The following AKR1E2 variants were observed in gnomAD, a reference collection of about 807,000 sequenced individuals.
AKR1E2 encodes 1,5-anhydro-D-fructose reductase.
A neutral mutation model predicts 41.9 loss-of-function variants in AKR1E2; 43 were observed. That is an observed-to-expected ratio of 1.03 (90% confidence interval 0.80 to 1.32). The LOEUF is 1.32. Among genes scored for constraint, AKR1E2 ranks in the 40% most tolerant of loss-of-function variants. AKR1E2 has a pLI of 0.00. For missense variants in AKR1E2, 423 were observed against 396.5 expected, an observed-to-expected ratio of 1.07 and a Z score of -0.57; for synonymous variants, 121 against 138.9, an observed-to-expected ratio of 0.87 and a Z score of 0.91.
chr10:4,837,632 G>C (rs148791455), intron 5 of AKR1E2, 51 bp downstream of exon 5: 59 of 1,587,436 alleles, frequency 3.7e-5, no homozygotes, highest in Admixed American at 5.0e-5. Context: ...TGGTCCCCCA[G>C]CTGCCACCTC....
chr10:4,833,921 G>T (rs1049284829), intron 3 of AKR1E2, among the ~76,000 whole-genome samples: 2 of 152,208 alleles, frequency 1.3e-5, no homozygotes, highest in Admixed American at 1.3e-4. Context: ...AGTGGGTTGT[G>T]CTGGTAGTTG....
chr10:4,861,073 A>G, the AKR1E2 span, among the ~76,000 whole-genome samples: 1 of 152,230 alleles, frequency 6.6e-6, no homozygotes. Flanking sequence ...ATTGTAATCA[A>G]TCAGGCTCAA....
intron 1 of AKR1E2, among the ~76,000 whole-genome samples, chr10:4,828,335 T>C (rs2059417580): frequency 2.0e-5 from 3 of 152,216 alleles, no homozygotes; most frequent in Admixed American, 2.0e-4. Context: ...AGCGGTGAGA[T>C]GTCTGGAGAC....
chr10:4,839,319 A>C (rs1427450408), intron 5 of AKR1E2, among the ~76,000 whole-genome samples: 1 of 152,322 alleles, frequency 6.6e-6, no homozygotes, highest in Non-Finnish European at 1.5e-5. Flanking sequence ...CTCTATCTTC[A>C]TGAGGCTTAG....
At chr10:4,848,418 T>C (rs1444103855), downstream of AKR1E2, among the ~76,000 whole-genome samples, 2 of 152,230 alleles carry the variant, frequency 1.3e-5, no homozygotes, top group African/African-American at 4.8e-5. Context: ...GGACTTCCTG[T>C]GGTCCAGACG....
At chr10:4,856,631 G>A in the AKR1E2 span, among the ~76,000 whole-genome samples, 2 of 152,174 alleles carry the variant, frequency 1.3e-5, no homozygotes, top group Non-Finnish European at 2.9e-5. Context: ...TCTTTCAGGT[G>A]TGTTTGTATA....
the AKR1E2 span, among the ~76,000 whole-genome samples, chr10:4,869,173 C>A: frequency 2.0e-5 from 3 of 152,058 alleles, no homozygotes; most frequent in African/African-American, 7.2e-5. Flanking sequence ...ATGGAGACTT[C>A]TATTTGGGAG....
chr10:4,841,808 AC>A lies in AKR1E2; in HGVS notation c.707del (p.Pro236LeufsTer2), dbSNP rs779347275. 1.9e-6 allele frequency: 3 copies of A among 1,612,896 alleles called. No homozygotes were observed. The South Asian group carries it at 3.3e-5, about 18-fold the overall frequency. The part of the protein sequence containing the change: ...GSCEGVDLID[N>X]PVIKRIAKEH... ...AGTGAGGGGGTTGACCTGATAGACAACCCTGTGATCAAGAGGATTGCAAAGG... is the reference window on the plus strand; with the variant it reads ...AGTGAGGGGGTTGACCTGATAGACAACCTGTGATCAAGAGGATTGCAAAGG... On this transcript the variant is annotated frameshift_variant, in exon 7 of 10. Transcript: ENST00000298375. LOFTEE classifies it high-confidence loss of function.
chr10:4,860,206 A>G, the AKR1E2 span, among the ~76,000 whole-genome samples: 1 of 152,318 alleles, frequency 6.6e-6, no homozygotes, highest in African/African-American at 2.4e-5. Context: ...CTTTACAGAG[A>G]TAAGTCATGA....
chr10:4,847,389 A>G (rs764420299), intron 9 of AKR1E2, 99 bp from the exon 10 acceptor site: 6 of 1,529,098 alleles, frequency 3.9e-6, no homozygotes, highest in Admixed American at 1.9e-5. Flanking sequence ...AGCTAATTTC[A>G]TGCACTGGGG....
the AKR1E2 span, among the ~76,000 whole-genome samples, chr10:4,872,459 TG>T: frequency 1.3e-5 from 2 of 152,294 alleles, no homozygotes; most frequent in East Asian, 3.9e-4. Flanking sequence ...GTCACTTCAA[TG>T]GGGTAGTTCC....
At chr10:4,846,872 C>A (rs1263799174) in intron 8 of AKR1E2, among the ~76,000 whole-genome samples, 5 of 152,170 alleles carry the variant, frequency 3.3e-5, no homozygotes, top group Non-Finnish European at 7.3e-5. Context: ...TCCCATATGT[C>A]CTTTATTCCA....
At chr10:4,825,840 TG>T (rs1832438244), upstream of AKR1E2, among the ~76,000 whole-genome samples, 1 of 152,190 alleles carries the variant, frequency 6.6e-6, no homozygotes, top group South Asian at 2.1e-4. Context: ...GAAGACTCTC[TG>T]CCCATCAACC....
intron 8 of AKR1E2, chr10:4,845,756 G>A (rs1588486523): frequency 2.1e-6 from 1 of 471,056 alleles, no homozygotes; most frequent in Non-Finnish European, 4.4e-6. Flanking sequence ...GCCCAGCTGA[G>A]ATGCCCCCAT....
At chr10:4,871,224 T>G in the AKR1E2 span, among the ~76,000 whole-genome samples, 2 of 152,156 alleles carry the variant, frequency 1.3e-5, no homozygotes, top group Admixed American at 6.5e-5. Flanking sequence ...GCAAGTGTGT[T>G]TATAATTGTT....
Position 4,841,802 on chromosome 10 carries a change from T to G in AKR1E2, c.698T>G (p.Ile233Arg). 1.2e-6 allele frequency: 2 copies of G among 1,612,966 alleles called. No individual in the cohort carries two copies. Among genetic ancestry groups the G allele is most frequent in the Non-Finnish European group, 1.7e-6 (2 of 1,179,444 alleles). Reference protein sequence around the residue: ...LGGSCEGVDLIDNPVIKRIAK... With the variant: ...LGGSCEGVDLRDNPVIKRIAK... ...CTCTCTAGTGAGGGGGTTGACCTGA[T>G]AGACAACCCTGTGATCAAGAGGATT... The change falls in exon 7 of 10, where the codon ATA becomes AGA. Residue 233 changes from isoleucine (I) to arginine (R), a missense_variant. By Grantham distance (97) the Ile-to-Arg change is moderately conservative. Transcript: ENST00000298375.
chr10:4,840,173 G>T (rs2961589), intron 6 of AKR1E2, among the ~76,000 whole-genome samples: 1 of 151,914 alleles, frequency 6.6e-6, no homozygotes, highest in Non-Finnish European at 1.5e-5. Flanking sequence ...GGTTGGATGA[G>T]GCAAAGCCTG....
intron 1 of AKR1E2, among the ~76,000 whole-genome samples, chr10:4,827,088 A>AAAAAAAG (rs1554753022): frequency 6.6e-6 from 1 of 150,574 alleles, no homozygotes; most frequent in Non-Finnish European, 1.5e-5. Context: ...AAAAAAAAAA[A>AAAAAAAG]AAAAAGAAAA....
At chr10:4,842,950 G>C (rs1391110314) in intron 8 of AKR1E2, among the ~76,000 whole-genome samples, 1 of 152,184 alleles carries the variant, frequency 6.6e-6, no homozygotes, top group East Asian at 1.9e-4. Context: ...GCTTTGAGTT[G>C]TGTGGGAAGA....
Sources: gnomAD v4.1 joint callset for allele counts (sites outside exome capture counted in the v4.1 genomes callset) on GRCh38, gnomAD v4.1.1 for gene constraint, MANE v1.5 for transcripts, NCBI Gene and HGNC (gene_info 2026-07-23, HGNC 2026-07-21) for gene names.